OPCML: variants seen among roughly 807,000 people sequenced by gnomAD.
OPCML encodes the protein opioid-binding protein/cell adhesion molecule.
OPCML carries 13 observed loss-of-function variants against 37.8 expected under a neutral mutation model. The observed-to-expected ratio is 0.34, with a 90% CI of 0.22 to 0.55. OPCML has a LOEUF of 0.55. Ranked by LOEUF, OPCML falls within the 20% of genes least tolerant of loss-of-function variation. The probability of loss-of-function intolerance (pLI) is 0.91; values close to 1 mark genes in which losing one functional copy is unlikely to be tolerated. For missense variants in OPCML, 341 were observed against 435.6 expected, an observed-to-expected ratio of 0.78 and a Z score of 1.93; for synonymous variants, 176 against 168.8, an observed-to-expected ratio of 1.04 and a Z score of -0.33.
chr11:133,083,616 A>C (rs1948775218), intron 1 of OPCML, among the ~76,000 whole-genome samples: 1 of 152,206 alleles, frequency 6.6e-6, no homozygotes, highest in African/African-American at 2.4e-5. Context: ...CTTGCAATGG[A>C]AAGAGACCTG....
chr11:132,543,776 A>G (rs1225187387), intron 3 of OPCML, among the ~76,000 whole-genome samples: 1 of 151,852 alleles, frequency 6.6e-6, no homozygotes, highest in Non-Finnish European at 1.5e-5. Flanking sequence ...TTTTTCCCCC[A>G]CTCACTATCA....
At chr11:133,081,232 G>A (rs866898287) in intron 1 of OPCML, among the ~76,000 whole-genome samples, 6 of 152,102 alleles carry the variant, frequency 3.9e-5, no homozygotes, top group African/African-American at 1.4e-4. Flanking sequence ...TCCATCTGGA[G>A]GGTTAGGGCT....
At chr11:133,439,634 AT>A (rs950401924) in intron 1 of OPCML, among the ~76,000 whole-genome samples, 1 of 151,672 alleles carries the variant, frequency 6.6e-6, no homozygotes, top group Non-Finnish European at 1.5e-5. Flanking sequence ...TGCCCGGCTA[AT>A]TTTTTGTATT....
rs1363346271 is a variant in OPCML, at chr11:132,415,093, A to G, written c.*5100T>C. The G allele has an allele frequency of 6.6e-6, 1 of 152,658 alleles. No homozygotes were observed. The highest frequency in any genetic ancestry group is 1.5e-5 in the Non-Finnish European group (1 of 68,046). 9.5% of individuals were successfully genotyped at this position (152,658 alleles called of 1,614,324 possible). A position where few individuals can be genotyped will look rare whatever the true frequency, so the allele number is the denominator to read the frequency against. On this transcript the variant is annotated 3_prime_UTR_variant, in exon 8 of 8. Coordinates refer to ENST00000524381, the MANE Select transcript of OPCML (RefSeq NM_001012393.5). ...GTAACATGCACAAAATTCAGGTAGTATATTCACCCTTGATACAATTATTGA... is the reference window on the plus strand; with the variant it reads ...GTAACATGCACAAAATTCAGGTAGTGTATTCACCCTTGATACAATTATTGA...
intron 1 of OPCML, among the ~76,000 whole-genome samples, chr11:133,395,025 G>A (rs1312296997): frequency 6.6e-6 from 1 of 152,068 alleles, no homozygotes; most frequent in African/African-American, 2.4e-5. Flanking sequence ...TCCACATCCT[G>A]CCAGCATTTG....
At chr11:133,121,995 G>A (rs890679315) in intron 1 of OPCML, among the ~76,000 whole-genome samples, 1 of 152,130 alleles carries the variant, frequency 6.6e-6, no homozygotes, top group Non-Finnish European at 1.5e-5. Context: ...ATTATTTGAA[G>A]CATATTGATG....
At chr11:133,528,159 T>C (rs758821094) in intron 1 of OPCML, among the ~76,000 whole-genome samples, 10 of 152,218 alleles carry the variant, frequency 6.6e-5, no homozygotes, top group African/African-American at 2.2e-4. Flanking sequence ...TAATCTCAGG[T>C]TGAGTAGTGC....
At chr11:133,525,094 G>A (rs1433765945) in intron 1 of OPCML, among the ~76,000 whole-genome samples, 1 of 152,236 alleles carries the variant, frequency 6.6e-6, no homozygotes, top group Non-Finnish European at 1.5e-5. Flanking sequence ...AGGAAAGAGA[G>A]ACATAAAACC....
At chr11:133,390,450 A>G (rs139536696) in intron 1 of OPCML, among the ~76,000 whole-genome samples, 1,774 of 152,206 alleles carry the variant, frequency 0.012, 34 homozygotes, top group African/African-American at 0.04. Context: ...GTGACAGAAC[A>G]AGACTCCATC....
At position 132,453,105 on chromosome 11, in the gene OPCML, G is replaced by A. The variant is rs377502177; in HGVS notation, c.506-15746C>T. Among the ~76,000 whole-genome samples, 11 of 152,292 alleles carry A rather than the reference G, an allele frequency of 7.2e-5. No homozygotes were observed. The South Asian group carries it at 1.0e-3, about 14-fold the overall frequency. On this transcript the variant is annotated intron_variant, in intron 4 of 7. Coordinates refer to ENST00000524381, the MANE Select transcript of OPCML (RefSeq NM_001012393.5). ...CTGTTATGACTTCCTTGACTTTAGG[G>A]TCTTTGTTAGATGCCCCTCATCTGG...
chr11:132,841,396 T>G (rs1467276825), intron 2 of OPCML, among the ~76,000 whole-genome samples: 1 of 152,108 alleles, frequency 6.6e-6, no homozygotes, highest in Non-Finnish European at 1.5e-5. Flanking sequence ...TTTCAAGACC[T>G]AGATGATCTC....
intron 1 of OPCML, among the ~76,000 whole-genome samples, chr11:133,044,546 G>A (rs1225854426): frequency 6.6e-6 from 1 of 152,220 alleles, no homozygotes; most frequent in Non-Finnish European, 1.5e-5. Context: ...CGAGCAGCCA[G>A]AGGTTAAGAA....
chr11:133,420,925 G>C, intron 1 of OPCML: 1 of 985,342 alleles, frequency 1.0e-6, no homozygotes, highest in Non-Finnish European at 1.2e-6. Flanking sequence ...GGATTACAGT[G>C]GCTGATAATT....
At chr11:132,492,616 G>C (rs374277777) in intron 4 of OPCML, among the ~76,000 whole-genome samples, 2 of 152,148 alleles carry the variant, frequency 1.3e-5, no homozygotes, top group South Asian at 2.1e-4. Flanking sequence ...TAGTAAGCTT[G>C]AGAGGCCCAG....
At chr11:133,501,326 C>T (rs543441588) in intron 1 of OPCML, among the ~76,000 whole-genome samples, 46 of 152,282 alleles carry the variant, frequency 3.0e-4, no homozygotes, top group African/African-American at 1.1e-3. Flanking sequence ...AATCCAAACA[C>T]ACGTCATGAC....
chr11:133,177,559 A>G lies in OPCML; in HGVS notation c.62-234549T>C, dbSNP rs946184247. Among the ~76,000 whole-genome samples the G allele has an allele frequency of 1.3e-5, 2 of 152,212 alleles. No individual in the cohort carries two copies. Among genetic ancestry groups the G allele is most frequent in the Non-Finnish European group, 2.9e-5 (2 of 68,030 alleles). On this transcript the variant is annotated intron_variant, in intron 1 of 7. Coordinates refer to ENST00000524381, the MANE Select transcript of OPCML (RefSeq NM_001012393.5). The surrounding 1 kb of genome is among the most constrained non-coding windows in gnomAD (Gnocchi z 5.0). ...TAGCTTTCCCAGGGAAAGGAACTCT[A>G]GAATCTAATAGTTGGAGTGGCAATA...
At chr11:132,803,306 C>G (rs560314814) in intron 2 of OPCML, among the ~76,000 whole-genome samples, 1 of 152,182 alleles carries the variant, frequency 6.6e-6, no homozygotes, top group Non-Finnish European at 1.5e-5. Flanking sequence ...ACAGATAGAT[C>G]AAATGGCCAT....
chr11:132,640,471 G>A (rs532995112), intron 3 of OPCML, among the ~76,000 whole-genome samples: 30 of 152,232 alleles, frequency 2.0e-4, no homozygotes, highest in South Asian at 4.1e-4. Flanking sequence ...CCACACATAT[G>A]CCTGAATCAA....
At chr11:133,090,802 G>T (rs770534159) in intron 1 of OPCML, among the ~76,000 whole-genome samples, 7 of 152,206 alleles carry the variant, frequency 4.6e-5, no homozygotes, top group African/African-American at 7.2e-5. Flanking sequence ...AAAATTTTCA[G>T]CCTGGCTAGA....
Sources: gnomAD v4.1 joint callset for allele counts (sites outside exome capture counted in the v4.1 genomes callset) on GRCh38, gnomAD v4.1.1 for gene constraint, Gnocchi (gnomAD v3.1) non-coding constraint, MANE v1.5 for transcripts, NCBI Gene and HGNC (gene_info 2026-07-23, HGNC 2026-07-21) for gene names.